The following GEMIN2 variants were observed in gnomAD, a reference collection of about 807,000 sequenced individuals.
GEMIN2 encodes the protein gem-associated protein 2.
Under a neutral mutation model 45.8 loss-of-function variants are expected in GEMIN2, and 37 were observed. The ratio of observed to expected loss-of-function variants is 0.81; its 90% CI spans 0.62 to 1.06. GEMIN2 has a LOEUF of 1.06. Ranked by LOEUF, GEMIN2 falls within the 50% of genes least tolerant of loss-of-function variation. GEMIN2 has a pLI of 0.00. For synonymous variants in GEMIN2, 101 were observed against 111.5 expected (o/e 0.91, Z 0.60); for missense variants, 335 against 321.8 (o/e 1.04, Z -0.31).
At chr14:39,124,079 T>C (rs1243993296) in intron 5 of GEMIN2, among the ~76,000 whole-genome samples, 2 of 152,050 alleles carry the variant, frequency 1.3e-5, no homozygotes, top group Non-Finnish European at 2.9e-5. Flanking sequence ...AAAACTTACT[T>C]ATTTAGCTTA....
intron 9 of GEMIN2, 120 bp from the exon 10 acceptor site, chr14:39,136,320 A>G: frequency 3.1e-6 from 2 of 645,504 alleles, no homozygotes; most frequent in Middle Eastern, 2.6e-4. Context: ...TAGACATACT[A>G]TAGCTTATTT....
chr14:39,134,412 T>G (rs2052758784), intron 9 of GEMIN2: 1 of 152,200 alleles, frequency 6.6e-6, no homozygotes, highest in Non-Finnish European at 1.5e-5. Context: ...GAGACGGAGT[T>G]TCACCATTAT....
At chr14:39,122,029 G>A (rs1049697081) in intron 4 of GEMIN2, 4 of 179,792 alleles carry the variant, frequency 2.2e-5, no homozygotes, top group Non-Finnish European at 4.7e-5. Flanking sequence ...CCTAAGGTTG[G>A]TCTCTTCTGA....
rs561790788 is a variant in GEMIN2 at position 39,133,645 on chromosome 14, C to G, written c.712-16C>G. ...AGGAACAGACAATATTTAAATTTTT[C>G]TTTTTTTTTTTTTAGGATAGCAAAG... On this transcript the variant is annotated splice_polypyrimidine_tract_variant and intron_variant, in intron 8 of 9. Coordinates refer to ENST00000308317, the MANE Select transcript of GEMIN2 (RefSeq NM_003616.3). 1.1e-5 allele frequency: 13 copies of G among 1,151,404 alleles called. No individual in the cohort carries two copies. Among genetic ancestry groups the G allele is most frequent in the Non-Finnish European group, 1.6e-5 (13 of 832,542 alleles). The allele number at this position is 1,151,404 out of a possible 1,614,324, so 71.3% of individuals were successfully genotyped here.
chr14:39,134,074 G>A lies in GEMIN2; in HGVS notation c.770+355G>A, dbSNP rs190961130. 3.9e-3 allele frequency: 618 copies of A among 159,624 alleles called. 2 individuals are homozygous for A. Among genetic ancestry groups the A allele is most frequent in the Non-Finnish European group, 3.5e-3 (257 of 73,016 alleles). 9.9% of individuals were successfully genotyped at this position (159,624 alleles called of 1,614,324 possible). Reference sequence around the variant, plus strand: ...AGCCTCCGAAAGTGCAGGGATTACAGGTGTAAAGCCACTGCATTCAGCCTG... The same window carrying A: ...AGCCTCCGAAAGTGCAGGGATTACAAGTGTAAAGCCACTGCATTCAGCCTG... On this transcript the variant is annotated intron_variant, in intron 9 of 9. Coordinates refer to ENST00000308317, the MANE Select transcript of GEMIN2 (RefSeq NM_003616.3).
At chr14:39,124,743 A>T (rs2139344569) in intron 5 of GEMIN2, among the ~76,000 whole-genome samples, 1 of 152,266 alleles carries the variant, frequency 6.6e-6, no homozygotes, top group East Asian at 1.9e-4. Context: ...ACTACACTCC[A>T]GCCTGGGTGA....
At chr14:39,125,771 C>T (rs886157354) in intron 6 of GEMIN2, among the ~76,000 whole-genome samples, 1 of 151,966 alleles carries the variant, frequency 6.6e-6, no homozygotes, top group Non-Finnish European at 1.5e-5. Context: ...CCTGTAATCC[C>T]GGCACTTTGG....
At chr14:39,135,083 C>G (rs2052766004) in intron 9 of GEMIN2, among the ~76,000 whole-genome samples, 1 of 152,072 alleles carries the variant, frequency 6.6e-6, no homozygotes, top group Admixed American at 6.6e-5. Flanking sequence ...ATTGGTAGCT[C>G]AGCAAACCAG....
intron 1 of GEMIN2, 145 bp downstream of exon 1, chr14:39,114,620 G>T (rs563777579): frequency 1.5e-5 from 10 of 681,454 alleles, no homozygotes; most frequent in Non-Finnish European, 2.2e-5. Context: ...GCGAGTTTCT[G>T]TTGAACGTGA....
At chr14:39,119,101 T>A (rs1023328338) in intron 4 of GEMIN2, among the ~76,000 whole-genome samples, 2 of 152,126 alleles carry the variant, frequency 1.3e-5, no homozygotes, top group African/African-American at 4.8e-5. Flanking sequence ...ATTCACAATA[T>A]CTTGGGGGAC....
intron 9 of GEMIN2, among the ~76,000 whole-genome samples, chr14:39,135,475 A>G (rs2052770296): frequency 6.6e-6 from 1 of 151,894 alleles, no homozygotes; most frequent in Admixed American, 6.6e-5. Flanking sequence ...AATCCCAGCT[A>G]CTCGGGATGG....
chr14:39,114,575 G>A, intron 1 of GEMIN2, 100 bp downstream of exon 1: 1 of 871,570 alleles, frequency 1.1e-6, no homozygotes, highest in Non-Finnish European at 1.8e-6. Flanking sequence ...GCGAGTTCAG[G>A]TCTATTCAGG....
chr14:39,131,967 C>T lies in GEMIN2; in HGVS notation c.610C>T (p.Leu204Phe). Residue 204 changes from leucine (L) to phenylalanine (F), a missense_variant, in exon 8 of 10, where the codon CTT becomes TTT. Coordinates refer to ENST00000308317, the MANE Select transcript of GEMIN2 (RefSeq NM_003616.3). Reference sequence around the variant, plus strand: ...TTGAATTTTTTTTTAGGGAAGATGGCTTTATGCTTTATTGGCTTGTCTTGA... The same window carrying T: ...TTGAATTTTTTTTTAGGGAAGATGGTTTTATGCTTTATTGGCTTGTCTTGA... ...RDFTPELGRW[L>F]YALLACLEKP... 1 of 1,550,588 alleles carries T rather than the reference C, an allele frequency of 6.4e-7. No homozygotes were observed. Among genetic ancestry groups the T allele is most frequent in the Non-Finnish European group, 8.9e-7 (1 of 1,125,146 alleles).
At chr14:39,126,048 T>C (rs73289780) in intron 6 of GEMIN2, among the ~76,000 whole-genome samples, 2,768 of 151,666 alleles carry the variant, frequency 0.018, 87 homozygotes, top group African/African-American at 0.063. Flanking sequence ...GATTGAAATA[T>C]ATGATTTCTT....
chr14:39,116,664 T>C (rs1448368006), intron 2 of GEMIN2, among the ~76,000 whole-genome samples: 1 of 152,212 alleles, frequency 6.6e-6, no homozygotes, highest in Admixed American at 6.5e-5. Context: ...TCAGACACTG[T>C]AATTTTTCCT....
chr14:39,124,843 A>G (rs2052620227), intron 5 of GEMIN2, 149 bp from the exon 6 acceptor site: 2 of 561,220 alleles, frequency 3.6e-6, no homozygotes, highest in East Asian at 2.7e-5. Flanking sequence ...AGTTTCCGGA[A>G]TGTCTCATTG....
Position 39,121,090 on chromosome 14 carries a change from T to C in GEMIN2, c.373-1340T>C, listed in dbSNP as rs191507966. 4.0e-3 allele frequency among the ~76,000 whole-genome samples: 610 copies of C among 152,302 alleles called. 4 individuals carry two copies. The highest frequency in any genetic ancestry group is 0.013 in the African/African-American group (527 of 41,554). On this transcript the variant is annotated intron_variant, in intron 4 of 9. Coordinates refer to ENST00000308317, the MANE Select transcript of GEMIN2 (RefSeq NM_003616.3). The stretch of plus-strand genomic sequence containing the variant: ...GACAACCCTTCAAATATGTGAAATA[T>C]GTAATCATGTCTCTTTACATGGGAT...
At position 39,136,574 on chromosome 14, in the gene GEMIN2, C is replaced by G; in HGVS notation, c.*95C>G. On this transcript the variant is annotated 3_prime_UTR_variant, in exon 10 of 10. Transcript: ENST00000308317. Reference sequence around the variant, plus strand: ...AATTCAAGTACAGATTTCAACACATCTTCAACACTATGTGAAGGGTTCACA... The same window carrying G: ...AATTCAAGTACAGATTTCAACACATGTTCAACACTATGTGAAGGGTTCACA... 1.1e-6 allele frequency: 1 copy of G among 916,968 alleles called. No homozygotes were observed. The highest frequency in any genetic ancestry group is 1.8e-6 in the Non-Finnish European group (1 of 557,134). The allele number at this position is 916,968 out of a possible 1,614,324, so 56.8% of individuals were successfully genotyped here. A position where few individuals can be genotyped will look rare whatever the true frequency, so the allele number is the denominator to read the frequency against.
intron 9 of GEMIN2, among the ~76,000 whole-genome samples, chr14:39,135,979 G>A (rs1456915441): frequency 2.6e-5 from 4 of 151,998 alleles, no homozygotes; most frequent in African/African-American, 4.8e-5. Context: ...CCAGCACTTC[G>A]AGAGACTGAG....
Sources: allele counts gnomAD v4.1 joint callset (sites outside exome capture counted in the v4.1 genomes callset), GRCh38; gene constraint gnomAD v4.1.1; transcripts MANE v1.5; gene names NCBI Gene and HGNC (gene_info 2026-07-23, HGNC 2026-07-21).